The following PRKCE variants were observed in gnomAD, a reference collection of about 807,000 sequenced individuals.
The protein encoded by PRKCE is protein kinase C epsilon, also known as protein kinase C epsilon type.
A neutral mutation model predicts 85.4 loss-of-function variants in PRKCE; 16 were observed. The ratio of observed to expected loss-of-function variants is 0.19; its 90% CI spans 0.13 to 0.28. The LOEUF is 0.28. Among genes scored for constraint, PRKCE ranks in the 10% least tolerant of loss-of-function variants. The probability of loss-of-function intolerance (pLI) is 1.00; values close to 1 mark genes in which losing one functional copy is unlikely to be tolerated. For missense variants in PRKCE, 573 were observed against 975.2 expected, an observed-to-expected ratio of 0.59 and a Z score of 5.49; for synonymous variants, 388 against 371.5, an observed-to-expected ratio of 1.04 and a Z score of -0.51.
At chr2:45,960,533 T>C (rs911123564) in intron 2 of PRKCE, among the ~76,000 whole-genome samples, 7 of 152,004 alleles carry the variant, frequency 4.6e-5, no homozygotes, top group Admixed American at 2.0e-4. Flanking sequence ...ACGTGTGCAG[T>C]TTACAATAGG....
At chr2:45,951,455 T>A (rs1477583014) in intron 2 of PRKCE, among the ~76,000 whole-genome samples, 4 of 152,204 alleles carry the variant, frequency 2.6e-5, no homozygotes, top group Admixed American at 2.6e-4. Flanking sequence ...CTAGGCAGTA[T>A]GTATGTGTCC....
chr2:45,671,586 C>A (rs781298346), intron 1 of PRKCE, among the ~76,000 whole-genome samples: 9 of 152,124 alleles, frequency 5.9e-5, no homozygotes, highest in African/African-American at 1.7e-4. Context: ...CCCTCTGCCT[C>A]CCCCCACCAG....
At chr2:45,728,763 G>A (rs1053486109) in intron 1 of PRKCE, among the ~76,000 whole-genome samples, 4 of 152,186 alleles carry the variant, frequency 2.6e-5, no homozygotes, top group African/African-American at 9.6e-5. Flanking sequence ...GAGGCCCTGT[G>A]CTGAGTGCTT....
chr2:45,991,786 C>G (rs978062227), intron 6 of PRKCE, among the ~76,000 whole-genome samples: 1 of 152,204 alleles, frequency 6.6e-6, no homozygotes, highest in African/African-American at 2.4e-5. Context: ...GGCACTTTTA[C>G]TTGTTTGCTT....
chr2:45,882,115 T>A (rs1375445212), intron 2 of PRKCE, among the ~76,000 whole-genome samples: 1 of 152,238 alleles, frequency 6.6e-6, no homozygotes, highest in East Asian at 1.9e-4. Context: ...AATTGTTTTT[T>A]CTGCTTTGGT....
intron 1 of PRKCE, among the ~76,000 whole-genome samples, chr2:45,706,162 A>T (rs747306645): frequency 3.9e-5 from 6 of 152,164 alleles, no homozygotes; most frequent in African/African-American, 7.2e-5. Flanking sequence ...CTGGGGGAAA[A>T]GAATTCTGAG....
chr2:46,022,945 C>T (rs946345368), intron 10 of PRKCE, among the ~76,000 whole-genome samples: 7 of 151,682 alleles, frequency 4.6e-5, no homozygotes, highest in African/African-American at 1.2e-4. Flanking sequence ...TAGCCGGGCG[C>T]GGTGGCGGGC....
intron 1 of PRKCE, among the ~76,000 whole-genome samples, chr2:45,742,730 T>C (rs1682682532): frequency 6.6e-6 from 1 of 152,206 alleles, no homozygotes; most frequent in Non-Finnish European, 1.5e-5. Context: ...AAAGACAGTA[T>C]GGAGGTTCCT....
At chr2:46,087,962 A>C (rs1669802951) in intron 11 of PRKCE, among the ~76,000 whole-genome samples, 2 of 152,228 alleles carry the variant, frequency 1.3e-5, no homozygotes, top group Non-Finnish European at 2.9e-5. Context: ...CAATGGCCCT[A>C]ATCAGGCTTA....
intron 2 of PRKCE, among the ~76,000 whole-genome samples, chr2:45,902,639 A>G (rs1300153269): frequency 6.6e-6 from 1 of 152,182 alleles, no homozygotes; most frequent in Non-Finnish European, 1.5e-5. Context: ...GAACTTGGGT[A>G]AGGTCTTCAA....
At chr2:46,000,100 A>G (rs1194851951) in intron 6 of PRKCE, among the ~76,000 whole-genome samples, 2 of 151,578 alleles carry the variant, frequency 1.3e-5, no homozygotes, top group East Asian at 1.9e-4. Flanking sequence ...ATCTGAGTCT[A>G]GTTCTGATGT....
At chr2:45,693,156 G>A (rs1413866580) in intron 1 of PRKCE, among the ~76,000 whole-genome samples, 1 of 152,108 alleles carries the variant, frequency 6.6e-6, no homozygotes, top group Non-Finnish European at 1.5e-5. Context: ...GGATGGGTGG[G>A]TGGGAGAAGG....
chr2:45,864,904 G>A (rs902677517), intron 2 of PRKCE, among the ~76,000 whole-genome samples: 1 of 152,058 alleles, frequency 6.6e-6, no homozygotes, highest in African/African-American at 2.4e-5. Flanking sequence ...TCACCTGCAG[G>A]GCCAGTTACA....
At chr2:45,910,140 C>T (rs1250037871) in intron 2 of PRKCE, among the ~76,000 whole-genome samples, 2 of 151,938 alleles carry the variant, frequency 1.3e-5, no homozygotes, top group African/African-American at 2.4e-5. Context: ...ATAACAATGA[C>T]GTGTAGTTCC....
At chr2:45,767,518 T>C (rs566765754) in intron 1 of PRKCE, among the ~76,000 whole-genome samples, 1 of 152,260 alleles carries the variant, frequency 6.6e-6, no homozygotes, top group African/African-American at 2.4e-5. Flanking sequence ...GCAGAGAGAG[T>C]TTATACAGGA....
intron 1 of PRKCE, among the ~76,000 whole-genome samples, chr2:45,759,413 G>T (rs1203438288): frequency 1.3e-5 from 2 of 152,216 alleles, no homozygotes; most frequent in African/African-American, 4.8e-5. Context: ...CCATGTCGGT[G>T]CAGGGCTGGA....
At chr2:45,874,114 A>G (rs1173436691) in intron 2 of PRKCE, among the ~76,000 whole-genome samples, 1 of 152,234 alleles carries the variant, frequency 6.6e-6, no homozygotes, top group African/African-American at 2.4e-5. Context: ...GAGATTGTCA[A>G]CACAAGTTCT....
At chr2:45,700,402 C>G (rs968067395) in intron 1 of PRKCE, 1 of 151,970 alleles carries the variant, frequency 6.6e-6, no homozygotes, top group African/African-American at 2.4e-5. Context: ...AGAGAGGGCT[C>G]CTTGGTCGGT....
intron 10 of PRKCE, among the ~76,000 whole-genome samples, chr2:46,079,227 T>C (rs1235712063): frequency 6.6e-6 from 1 of 151,684 alleles, no homozygotes. Flanking sequence ...CTGTTTTGTG[T>C]AATGATCTTC....
Sources: gnomAD v4.1 joint callset for allele counts (sites outside exome capture counted in the v4.1 genomes callset) on GRCh38, gnomAD v4.1.1 for gene constraint, MANE v1.5 for transcripts, NCBI Gene and HGNC (gene_info 2026-07-23, HGNC 2026-07-21) for gene names.